The following COL18A1 variants were observed in gnomAD, a reference collection of about 807,000 sequenced individuals.
COL18A1 encodes collagen alpha-1(XVIII) chain.
Under a neutral mutation model 168.0 loss-of-function variants are expected in COL18A1, and 133 were observed. The ratio of observed to expected loss-of-function variants is 0.79; its 90% confidence interval spans 0.69 to 0.91. COL18A1 has a LOEUF of 0.91. COL18A1 is among the 40% of genes least tolerant of loss of function. The pLI is 0.00. For missense variants in COL18A1, 2,126 were observed against 1,925.4 expected (o/e 1.10, Z -1.95); for synonymous variants, 949 against 809.0 (o/e 1.17, Z -2.94).
chr21:45,406,012 T>C (rs981729644), intron 2 of COL18A1, among the ~76,000 whole-genome samples: 1 of 151,934 alleles, frequency 6.6e-6, no homozygotes, highest in African/African-American at 2.4e-5. Context: ...CGGTCCCCTT[T>C]GATGCCAACC....
At chr21:45,484,115 C>T (rs536040697) in intron 15 of COL18A1, among the ~76,000 whole-genome samples, 3 of 139,772 alleles carry the variant, frequency 2.1e-5, no homozygotes, top group Non-Finnish European at 1.5e-5. Flanking sequence ...TATGTGCACA[C>T]GCACACACAC....
At chr21:45,422,592 CAG>C (rs1569279482) in intron 2 of COL18A1, 2 of 454,362 alleles carry the variant, frequency 4.4e-6, no homozygotes, top group African/African-American at 2.0e-5. Context: ...GTGCGGGTCT[CAG>C]GGCACAGTGG....
intron 2 of COL18A1, among the ~76,000 whole-genome samples, chr21:45,435,107 G>C (rs953410120): frequency 6.6e-6 from 1 of 151,918 alleles, no homozygotes; most frequent in African/African-American, 2.4e-5. Context: ...TCTTCTGTGG[G>C]TGCAGGTGGG....
intron 2 of COL18A1, among the ~76,000 whole-genome samples, chr21:45,459,729 G>A (rs373894751): frequency 6.6e-5 from 10 of 152,226 alleles, no homozygotes; most frequent in Admixed American, 1.3e-4. Context: ...CGGGAGGGCC[G>A]GGGTGGGGTA....
Position 45,498,816 on chromosome 21 carries a change from G to A in COL18A1, c.2683+1155G>A, listed in dbSNP as rs1165947082. Among the ~76,000 whole-genome samples the A allele has an allele frequency of 1.3e-5, 2 of 152,186 alleles. No individual in the cohort carries two copies. Among genetic ancestry groups the A allele is most frequent in the East Asian group, 1.9e-4 (1 of 5,196 alleles). On this transcript the variant is annotated intron_variant, in intron 32 of 41. Transcript: ENST00000651438. This position sits in a 1 kb window ranked among gnomAD's most constrained non-coding sequence, Gnocchi z 4.5. ...ATCGGACCCACCTTGAACTCTGAAG[G>A]TCACACATTCAAAAGCCACAGGAAG...
At chr21:45,455,864 G>A in intron 2 of COL18A1, 1 of 1,613,156 alleles carries the variant, frequency 6.2e-7, no homozygotes, top group Non-Finnish European at 8.5e-7. Flanking sequence ...CGGTGTCGGA[G>A]CCGAGATCCT....
At chr21:45,456,470 C>A in intron 2 of COL18A1, 1 of 1,545,578 alleles carries the variant, frequency 6.5e-7, no homozygotes, top group Non-Finnish European at 8.8e-7. Context: ...CTCTGTGGGG[C>A]CGGGTCTTGC....
intron 2 of COL18A1, among the ~76,000 whole-genome samples, chr21:45,429,826 C>A (rs955228266): frequency 1.3e-5 from 2 of 152,236 alleles, no homozygotes; most frequent in African/African-American, 4.8e-5. Context: ...CAAGCCTGCC[C>A]GCCTTGGTTC....
Position 45,498,140 on chromosome 21 carries a change from C to T in COL18A1, c.2683+479C>T, listed in dbSNP as rs2036605864. 1.5e-6 allele frequency: 1 copy of T among 646,352 alleles called. No individual in the cohort carries two copies. Among genetic ancestry groups the T allele is most frequent in the East Asian group, 2.7e-5 (1 of 36,826 alleles). 40.0% of individuals were successfully genotyped at this position (646,352 alleles called of 1,614,324 possible). ...ACAAGAATTCCCCCCTGAGCCCCACCTCCATTGAGGGTGGCAGGGCTGCTT... is the reference window on the plus strand; with the variant it reads ...ACAAGAATTCCCCCCTGAGCCCCACTTCCATTGAGGGTGGCAGGGCTGCTT... On this transcript the variant is annotated intron_variant, in intron 32 of 41. Transcript: ENST00000651438. This position sits in a 1 kb window ranked among gnomAD's most constrained non-coding sequence, Gnocchi z 4.5.
intron 31 of COL18A1, among the ~76,000 whole-genome samples, 168 bp from the exon 32 acceptor site, chr21:45,497,431 C>T (rs2036580215): frequency 6.6e-6 from 1 of 152,234 alleles, no homozygotes; most frequent in South Asian, 2.1e-4. Flanking sequence ...CTGACGGGGA[C>T]CCAGGGCGCC....
chr21:45,502,512 A>G (rs903035276), intron 32 of COL18A1: 1 of 152,240 alleles, frequency 6.6e-6, no homozygotes, highest in African/African-American at 2.4e-5. Flanking sequence ...AACATCAAAA[A>G]TGAGTGAAGA....
At chr21:45,453,008 T>C (rs556735139) in intron 2 of COL18A1, among the ~76,000 whole-genome samples, 22 of 151,396 alleles carry the variant, frequency 1.5e-4, no homozygotes, top group African/African-American at 5.1e-4. Context: ...AGCCTATATG[T>C]ATGTGTGTGA....
intron 2 of COL18A1, among the ~76,000 whole-genome samples, chr21:45,418,611 G>A (rs2033518144): frequency 2.0e-5 from 3 of 152,160 alleles, no homozygotes; most frequent in Middle Eastern, 3.4e-3. Flanking sequence ...AGCCCGCCTC[G>A]TGCACCTGCT....
rs552024566 is a variant in COL18A1 at position 45,436,149 on chromosome 21, T to C, written c.106+30676T>C. 7.0e-4 allele frequency among the ~76,000 whole-genome samples: 107 copies of C among 152,310 alleles called. 3 individuals carry two copies. The highest frequency in any genetic ancestry group is 1.2e-4 in the Non-Finnish European group (8 of 68,018). ...TTTAAAGGGGGCTCATTTGAAACCC[T>C]ACCTACAGGGCTGCCATCCCTCTGG... On this transcript the variant is annotated intron_variant, in intron 2 of 41. Coordinates refer to ENST00000651438, the MANE Select transcript of COL18A1 (RefSeq NM_001379500.1).
intron 9 of COL18A1, among the ~76,000 whole-genome samples, chr21:45,479,160 G>A (rs137949008): frequency 6.8e-5 from 10 of 146,600 alleles, no homozygotes; most frequent in African/African-American, 2.6e-4. Context: ...GTTTGAGTGT[G>A]TGAATGTGTG....
chr21:45,469,962 C>A (rs1318021501), intron 3 of COL18A1, among the ~76,000 whole-genome samples: 1 of 152,130 alleles, frequency 6.6e-6, no homozygotes, highest in East Asian at 1.9e-4. Flanking sequence ...AGAGTCACCC[C>A]CTCCAGTGAG....
In COL18A1 at chr21:45,453,398, T is replaced by C. The variant is rs139506967; in HGVS notation, c.107-14844T>C. On this transcript the variant is annotated intron_variant, in intron 2 of 41. Coordinates refer to ENST00000651438, the MANE Select transcript of COL18A1 (RefSeq NM_001379500.1). ...GTGAGCATACATATATGTGTGCATA[T>C]GTGGGTGTTCGTGTGTGAGCATGTG... Among the ~76,000 whole-genome samples the C allele has an allele frequency of 7.9e-5, 12 of 152,302 alleles. No homozygotes were observed. The South Asian group carries it at 2.3e-3, about 29-fold the overall frequency.
At chr21:45,486,712 G>A in intron 15 of COL18A1, 149 bp from the exon 16 acceptor site, 1 of 796,212 alleles carries the variant, frequency 1.3e-6, no homozygotes, top group Non-Finnish European at 1.9e-6. Flanking sequence ...AAGAAAGGCT[G>A]CTGTGGGGCC....
Position 45,480,923 on chromosome 21 carries a change from C to G in COL18A1, c.1611+65C>G, listed in dbSNP as rs535821992. 12 of 1,542,894 alleles carry G rather than the reference C, an allele frequency of 7.8e-6. No homozygotes were observed. The African/African-American group carries it at 9.5e-5, about 12-fold the overall frequency. On this transcript the variant is annotated intron_variant, in intron 13 of 41. Transcript: ENST00000651438. ...TGCTGGGAGTGAGGGGTGAACACCC[C>G]ACATGGGAGCCCCTGCCCCGCCTCA...
Sources: gnomAD v4.1 joint callset for allele counts (sites outside exome capture counted in the v4.1 genomes callset) on GRCh38, gnomAD v4.1.1 for gene constraint, Gnocchi (gnomAD v3.1) non-coding constraint, MANE v1.5 for transcripts, NCBI Gene and HGNC (gene_info 2026-07-23, HGNC 2026-07-21) for gene names.